The following CFAP47 variants were observed in gnomAD, a reference collection of about 807,000 sequenced individuals.
CFAP47 encodes cilia and flagella associated protein 47.
In CFAP47, 29 loss-of-function variants were observed where a neutral mutation model predicts 148.1. The ratio of observed to expected loss-of-function variants is 0.20; its 90% CI spans 0.15 to 0.27. CFAP47 has a LOEUF of 0.27. Among genes scored for constraint, CFAP47 ranks in the 10% least tolerant of loss-of-function variants. The pLI is 1.00. For missense variants in CFAP47, 1,872 were observed against 1,697.5 expected (o/e 1.10, Z -1.81); for synonymous variants, 664 against 577.3 (o/e 1.15, Z -2.15).
intron 48 of CFAP47, among the ~76,000 whole-genome samples, chrX:36,248,496 T>TCACACACACACACACACACACACACA (rs60595897): frequency 6.3e-5 from 6 of 95,475 alleles, no homozygotes; most frequent in African/African-American, 2.3e-4. Flanking sequence ...ACATATTATA[T>TCACACACACACACACACACACACACA]CACACACACA....
intron 45 of CFAP47, among the ~76,000 whole-genome samples, chrX:36,206,417 A>G (rs1467777629): frequency 1.8e-5 from 2 of 111,885 alleles, no homozygotes; most frequent in Non-Finnish European, 3.8e-5. Flanking sequence ...TTCATCGACA[A>G]TGTTGAGCAT....
intron 36 of CFAP47, among the ~76,000 whole-genome samples, chrX:36,147,295 C>G (rs1013951550): frequency 9.0e-6 from 1 of 111,517 alleles, no homozygotes; most frequent in Admixed American, 9.5e-5. Flanking sequence ...AGCTCTTCTT[C>G]CTATCTACTC....
At position 35,920,036 on chromosome X, in the gene CFAP47, C is replaced by G; in HGVS notation, c.237C>G (p.Pro79=). 8.4e-7 allele frequency: 1 copy of G among 1,188,993 alleles called. No homozygotes were observed. Among genetic ancestry groups the G allele is most frequent in the Non-Finnish European group, 1.1e-6 (1 of 881,874 alleles). ...RWNQKIRFKE[P]VKPQFKLMLT... ...ACCAGAAAATCCGATTTAAGGAGCC[C>G]GTCAAGCCACAGGTGACACACTAAG... The change falls in exon 1 of 64, where the codon CCC becomes CCG. Residue 79 remains proline (P), a synonymous_variant. Coordinates refer to ENST00000378653, the MANE Select transcript of CFAP47 (RefSeq NM_001304548.2).
intron 49 of CFAP47, among the ~76,000 whole-genome samples, chrX:36,257,703 G>A (rs781939610): frequency 1.1e-4 from 12 of 111,569 alleles, no homozygotes; most frequent in Non-Finnish European, 1.7e-4. Context: ...GATTATAGGC[G>A]TGAGCCACTG....
At chrX:36,064,669 A>C (rs1167422950) in intron 26 of CFAP47, among the ~76,000 whole-genome samples, 1 of 111,953 alleles carries the variant, frequency 8.9e-6, no homozygotes, top group Non-Finnish European at 1.9e-5. Context: ...ATAAAGTACT[A>C]GTAGATGATA....
intron 60 of CFAP47, among the ~76,000 whole-genome samples, chrX:36,358,547 G>T (rs1384628376): frequency 1.8e-5 from 2 of 111,456 alleles, no homozygotes; most frequent in African/African-American, 6.5e-5. Flanking sequence ...AGACTGCTTG[G>T]GTTCTTTTAT....
chrX:36,260,382 G>A (rs1940803264), intron 49 of CFAP47, among the ~76,000 whole-genome samples: 1 of 111,799 alleles, frequency 8.9e-6, no homozygotes, highest in South Asian at 3.7e-4. Flanking sequence ...AACCTCGCTA[G>A]CATCTATTAT....
chrX:36,355,492 T>A (rs1556018302), intron 60 of CFAP47, among the ~76,000 whole-genome samples: 1 of 111,663 alleles, frequency 9.0e-6, no homozygotes. Flanking sequence ...CTCAGATGAA[T>A]GGATAAAGAA....
chrX:36,381,255 T>G (rs1556024100), intron 63 of CFAP47, among the ~76,000 whole-genome samples: 1 of 111,771 alleles, frequency 8.9e-6, no homozygotes, highest in Admixed American at 9.6e-5. Context: ...GGTTACCTTG[T>G]GCTAAGCATA....
chrX:36,333,629 T>TTC (rs1205721072), intron 57 of CFAP47, among the ~76,000 whole-genome samples: 1 of 111,795 alleles, frequency 8.9e-6, no homozygotes, highest in East Asian at 2.8e-4. Flanking sequence ...TCTATAACTC[T>TTC]TGTACTTTCC....
At chrX:35,979,972 A>G (rs1355012619) in intron 15 of CFAP47, among the ~76,000 whole-genome samples, 1 of 111,918 alleles carries the variant, frequency 8.9e-6, no homozygotes, top group Non-Finnish European at 1.9e-5. Context: ...ATAATACAAC[A>G]ACCACTGTTT....
At chrX:36,233,187 G>A (rs1161585055) in intron 46 of CFAP47, among the ~76,000 whole-genome samples, 5 of 111,129 alleles carry the variant, frequency 4.5e-5, no homozygotes, top group Admixed American at 2.9e-4. Flanking sequence ...CTTCTGTCTC[G>A]TAGATCTGTC....
chrX:36,189,647 A>G (rs1602037583), intron 41 of CFAP47, among the ~76,000 whole-genome samples: 1 of 111,913 alleles, frequency 8.9e-6, no homozygotes, highest in Non-Finnish European at 1.9e-5. Context: ...CTATGGCACA[A>G]TAAGTTAGTG....
intron 48 of CFAP47, among the ~76,000 whole-genome samples, chrX:36,248,340 T>C (rs1407540358): frequency 9.5e-6 from 1 of 104,861 alleles, no homozygotes. Flanking sequence ...AGAAAAAATA[T>C]TTTTCTATGC....
At chrX:36,019,336 G>C (rs767252192) in intron 22 of CFAP47, among the ~76,000 whole-genome samples, 2 of 111,730 alleles carry the variant, frequency 1.8e-5, no homozygotes, top group Admixed American at 9.5e-5. Context: ...CAGGTTCCTC[G>C]GCCTAAAGCA....
chrX:36,326,304 AACAC>A (rs56939762), intron 57 of CFAP47, among the ~76,000 whole-genome samples: 14 of 103,539 alleles, frequency 1.4e-4, no homozygotes, highest in Admixed American at 7.4e-4. Context: ...CCAATTTCCA[AACAC>A]ACACACACAC....
intron 33 of CFAP47, among the ~76,000 whole-genome samples, chrX:36,127,405 G>T (rs1174224122): frequency 3.6e-5 from 4 of 111,501 alleles, no homozygotes; most frequent in Non-Finnish European, 5.6e-5. Flanking sequence ...GATGGTTGTA[G>T]ATGTGTGGTA....
intron 40 of CFAP47, among the ~76,000 whole-genome samples, chrX:36,186,493 A>G (rs1275781524): frequency 8.9e-6 from 1 of 111,988 alleles, no homozygotes; most frequent in Admixed American, 9.5e-5. Context: ...AGTTTTCATG[A>G]TGCATGTGGC....
chrX:35,935,704 A>G (rs1935901972), intron 2 of CFAP47, among the ~76,000 whole-genome samples: 1 of 109,974 alleles, frequency 9.1e-6, no homozygotes, highest in Non-Finnish European at 1.9e-5. Flanking sequence ...GCTAGTGACA[A>G]GTTCTTTTAG....
Sources: allele counts gnomAD v4.1 joint callset (sites outside exome capture counted in the v4.1 genomes callset), GRCh38; gene constraint gnomAD v4.1.1; transcripts MANE v1.5; gene names NCBI Gene and HGNC (gene_info 2026-07-23, HGNC 2026-07-21).